ASPG: variants seen among roughly 807,000 people sequenced by gnomAD.
ASPG encodes the protein 60 kDa lysophospholipase.
Under a neutral mutation model 63.2 loss-of-function variants are expected in ASPG, and 53 were observed. That is an observed-to-expected ratio of 0.84 (90% CI 0.67 to 1.05). The LOEUF is 1.05. Among genes scored for constraint, ASPG ranks in the 50% least tolerant of loss-of-function variants. The probability of loss-of-function intolerance (pLI) is 0.00; values close to 1 mark genes in which losing one functional copy is unlikely to be tolerated. For missense variants in ASPG, 741 were observed against 794.4 expected (o/e 0.93, Z 0.81); for synonymous variants, 370 against 355.0 (o/e 1.04, Z -0.48).
At position 104,091,173 on chromosome 14, in the gene ASPG, C is replaced by T. The variant is rs759632706; in HGVS notation, c.83-1460C>T. 7.3e-5 allele frequency among the ~76,000 whole-genome samples: 11 copies of T among 151,724 alleles called. No individual in the cohort carries two copies. Among genetic ancestry groups the T allele is most frequent in the Non-Finnish European group, 1.2e-4 (8 of 67,908 alleles). On this transcript the variant is annotated intron_variant, in intron 1 of 15. Coordinates refer to ENST00000551177, the MANE Select transcript of ASPG (RefSeq NM_001080464.3). The surrounding 1 kb of genome is among the most constrained non-coding windows in gnomAD (Gnocchi z 6.4). Reference sequence around the variant, plus strand: ...AGGCACTGCGCCCGGCCCTGGGATGCGGACATCTAGGATGCTTTTTCAACC... The same window carrying T: ...AGGCACTGCGCCCGGCCCTGGGATGTGGACATCTAGGATGCTTTTTCAACC...
intron 1 of ASPG, among the ~76,000 whole-genome samples, chr14:104,090,503 C>T (rs1163696568): frequency 2.0e-5 from 3 of 152,264 alleles, no homozygotes; most frequent in Non-Finnish European, 2.9e-5. Flanking sequence ...GAGGGGTTTC[C>T]CCGGGCTGAG....
At chr14:104,112,449 G>T (rs2037409355) in intron 15 of ASPG, 75 bp from the exon 16 acceptor site, 3 of 872,708 alleles carry the variant, frequency 3.4e-6, no homozygotes, top group East Asian at 4.9e-5. Context: ...TACAGACGGG[G>T]TGCCTGGGCT....
chr14:104,093,118 C>T (rs2036423113), intron 2 of ASPG: 2 of 480,734 alleles, frequency 4.2e-6, no homozygotes, highest in South Asian at 4.5e-5. Context: ...CCCTGATGTC[C>T]CCCACAGCTG....
rs1305959075 is a variant in ASPG at position 104,091,563 on chromosome 14, G to A, written c.83-1070G>A. Among the ~76,000 whole-genome samples, 20 of 152,172 alleles carry A rather than the reference G, an allele frequency of 1.3e-4. No individual in the cohort carries two copies. Among genetic ancestry groups the A allele is most frequent in the Non-Finnish European group, 1.9e-4 (13 of 68,040 alleles). ...TGCCATAAACCTTCACGGGGCCAAG[G>A]GCTGGTGTCCCGGGGCTGGTGACTT... On this transcript the variant is annotated intron_variant, in intron 1 of 15. Coordinates refer to ENST00000551177, the MANE Select transcript of ASPG (RefSeq NM_001080464.3). This position sits in a 1 kb window ranked among gnomAD's most constrained non-coding sequence, Gnocchi z 6.4.
chr14:104,106,108 C>T (rs2037116722), intron 10 of ASPG, among the ~76,000 whole-genome samples: 1 of 152,192 alleles, frequency 6.6e-6, no homozygotes, highest in African/African-American at 2.4e-5. Context: ...CTGCCACTTG[C>T]TGGGGCGGGT....
At chr14:104,090,963 T>A (rs1430464525) in intron 1 of ASPG, among the ~76,000 whole-genome samples, 4 of 152,104 alleles carry the variant, frequency 2.6e-5, no homozygotes, top group Non-Finnish European at 1.5e-5. Context: ...CCTGCCAGAT[T>A]CAAGTGATTC....
rs1205551442 is a variant in ASPG, at chr14:104,093,623, TGGGTG to T, written c.303+25_303+29del. On this transcript the variant is annotated intron_variant, in intron 3 of 15. Coordinates refer to ENST00000551177, the MANE Select transcript of ASPG (RefSeq NM_001080464.3). Reference sequence around the variant, plus strand: ...TCAAGGTAGTGGGGCTGGGGAATGCTGGGTGGGGCTGTGGTGTGTGGGTGGGGCTG... The same window carrying T: ...TCAAGGTAGTGGGGCTGGGGAATGCTGGGCTGTGGTGTGTGGGTGGGGCTG... The T allele has an allele frequency of 8.5e-6, 8 of 942,434 alleles. No individual in the cohort carries two copies. The African/African-American group carries it at 5.2e-4, about 62-fold the overall frequency. 58.4% of individuals were successfully genotyped at this position (942,434 alleles called of 1,614,324 possible).
chr14:104,107,623 A>T (rs1254778399), intron 12 of ASPG, among the ~76,000 whole-genome samples: 2 of 152,166 alleles, frequency 1.3e-5, no homozygotes, highest in Non-Finnish European at 2.9e-5. Flanking sequence ...GTCCTGGCCC[A>T]GCAGCCAGAC....
Position 104,112,454 on chromosome 14 carries a change from T to C in ASPG, c.1702-70T>C, listed in dbSNP as rs375814675. 5.5e-6 allele frequency: 5 copies of C among 913,928 alleles called. 1 individual carries two copies. In the African/African-American group the frequency reaches 6.5e-5, roughly 12 times the overall value. 56.6% of individuals were successfully genotyped at this position (913,928 alleles called of 1,614,324 possible). A position where few individuals can be genotyped will look rare whatever the true frequency, so the allele number is the denominator to read the frequency against. ...GGCTGTGCCGTACAGACGGGGTGCC[T>C]GGGCTTGTCTCTCTGCCCTGCCTTC... On this transcript the variant is annotated intron_variant, in intron 15 of 15. Coordinates refer to ENST00000551177, the MANE Select transcript of ASPG (RefSeq NM_001080464.3).
At chr14:104,111,211 CTGTG>C (rs956278073) in intron 13 of ASPG, 6 of 977,288 alleles carry the variant, frequency 6.1e-6, no homozygotes, top group Non-Finnish European at 7.3e-6. Context: ...TTGTGTGCTC[CTGTG>C]TGTGTACATG....
At chr14:104,093,934 ATG>A (rs2036479709) in intron 3 of ASPG, among the ~76,000 whole-genome samples, 1 of 75,198 alleles carries the variant, frequency 1.3e-5, no homozygotes, top group Non-Finnish European at 2.6e-5. Context: ...GGGTGGGGCT[ATG>A]AGTGTGGGCG....
Position 104,088,136 on chromosome 14 carries a change from A to G in ASPG, c.82+2284A>G, listed in dbSNP as rs571892953. On this transcript the variant is annotated intron_variant, in intron 1 of 15. Coordinates refer to ENST00000551177, the MANE Select transcript of ASPG (RefSeq NM_001080464.3). The stretch of plus-strand genomic sequence containing the variant: ...TGGAGCAGCCAGACTGTCAGGCGTC[A>G]ATGATTTACTCCCTCCACACTGCTG... Among the ~76,000 whole-genome samples, 16 of 152,324 alleles carry G rather than the reference A, an allele frequency of 1.1e-4. No individual in the cohort carries two copies. The South Asian group carries it at 3.3e-3, about 32-fold the overall frequency.
chr14:104,093,582 T>C lies in ASPG; in HGVS notation c.283T>C (p.Cys95Arg), dbSNP rs1770984. ...TGACATGACCATCGCTGAGTGGGTT[T>C]GCCTTGCCCAGACCATCAAGGTAGT... ...SSDMTIAEWVCLAQTIKRHYE... is the reference protein window; with the variant it reads ...SSDMTIAEWVRLAQTIKRHYE... Residue 95 changes from cysteine (C) to arginine (R), a missense_variant, in exon 3 of 16, where the codon TGC becomes CGC. Transcript: ENST00000551177. 339,142 of 1,601,768 alleles carry C rather than the reference T, an allele frequency of 0.21. 46,727 individuals are homozygous for C. Among genetic ancestry groups the C allele is most frequent in the African/African-American group, 0.6 (44,452 of 74,108 alleles).
Position 104,092,643 on chromosome 14 carries a change from C to T in ASPG, c.93C>T (p.Pro31=), listed in dbSNP as rs374729572. The part of the protein sequence containing the change: ...GMRSELGVLV[P]GTGLAAILRT... ...GGACTCTGCCTGCAGTGCTTGTGCC[C>T]GGGACGGGCCTGGCTGCCATCCTGA... Residue 31 remains proline, a synonymous_variant, in exon 2 of 16, where the codon CCC becomes CCT. Transcript: ENST00000551177. 2.8e-4 allele frequency: 427 copies of T among 1,535,784 alleles called. No homozygotes were observed. Among genetic ancestry groups the T allele is most frequent in the African/African-American group, 7.2e-4 (53 of 73,150 alleles).
At chr14:104,112,495 G>T in intron 15 of ASPG, 29 bp from the exon 16 acceptor site, 1 of 1,227,874 alleles carries the variant, frequency 8.1e-7, no homozygotes, top group Non-Finnish European at 1.2e-6. Context: ...CTACCTGGGT[G>T]TCCTTCTCAG....
At chr14:104,099,616 G>T (rs1242764293) in intron 6 of ASPG, among the ~76,000 whole-genome samples, 1 of 152,220 alleles carries the variant, frequency 6.6e-6, no homozygotes, top group Non-Finnish European at 1.5e-5. Flanking sequence ...TGCTGAGGGA[G>T]CCCCTGCTTC....
chr14:104,104,533 G>A, intron 8 of ASPG, 47 bp downstream of exon 8: 1 of 1,597,346 alleles, frequency 6.3e-7, no homozygotes. Context: ...ACAGCCTGAG[G>A]GCCTGGCAGA....
At chr14:104,103,775 C>T (rs1596096096) in intron 7 of ASPG, 100 bp downstream of exon 7, 2 of 1,033,330 alleles carry the variant, frequency 1.9e-6, no homozygotes, top group African/African-American at 1.6e-5. Flanking sequence ...CCAGCCAGTG[C>T]AGACCCCGCG....
rs185334250 is a variant in ASPG at position 104,090,767 on chromosome 14, C to T, written c.83-1866C>T. 2.2e-4 allele frequency among the ~76,000 whole-genome samples: 34 copies of T among 152,364 alleles called. 1 individual carries two copies. Among genetic ancestry groups the T allele is most frequent in the Admixed American group, 8.5e-4 (13 of 15,312 alleles). On this transcript the variant is annotated intron_variant, in intron 1 of 15. Transcript: ENST00000551177. ...ACCTGGATTGTCCAGGGCCACCTCC[C>T]GCCCCATGACCCCTAATATCACATC...
Sources: allele counts gnomAD v4.1 joint callset (sites outside exome capture counted in the v4.1 genomes callset), GRCh38; gene constraint gnomAD v4.1.1; non-coding constraint Gnocchi (gnomAD v3.1); transcripts MANE v1.5; gene names NCBI Gene and HGNC (gene_info 2026-07-23, HGNC 2026-07-21).